GPR19: variants seen among roughly 807,000 people sequenced by gnomAD.
GPR19 encodes the protein probable G protein-coupled receptor 19.
A neutral mutation model predicts 28.5 loss-of-function variants in GPR19; 14 were observed. The observed-to-expected ratio is 0.49, with a 90% CI of 0.32 to 0.77. The LOEUF (loss-of-function observed/expected upper bound fraction) is 0.77, where lower values mean the gene tolerates loss of function less well. Among genes scored for constraint, GPR19 ranks in the 30% least tolerant of loss-of-function variants. GPR19 has a pLI of 0.03. For missense variants in GPR19, 409 were observed against 504.1 expected (o/e 0.81, Z 1.81); for synonymous variants, 173 against 184.1 (o/e 0.94, Z 0.49).
the GPR19 span, chr12:12,716,894 G>A: frequency 2.3e-5 from 23 of 984,654 alleles, no homozygotes; most frequent in South Asian, 6.6e-4. Context: ...CAGACCACGA[G>A]GTGGGGGCCG....
At chr12:12,691,134 A>G (rs554115617) in intron 2 of GPR19, among the ~76,000 whole-genome samples, 6 of 152,278 alleles carry the variant, frequency 3.9e-5, no homozygotes, top group Admixed American at 2.0e-4. Context: ...GATAAGCTCA[A>G]TAAAGGTCAT....
chr12:12,690,363 G>A (rs1260521482), intron 2 of GPR19, among the ~76,000 whole-genome samples: 2 of 152,202 alleles, frequency 1.3e-5, no homozygotes, highest in Non-Finnish European at 2.9e-5. Context: ...ACATAACACT[G>A]TTGTCTAAGG....
chr12:12,713,057 CTTTTTTTT>C, the GPR19 span, among the ~76,000 whole-genome samples: 2 of 108,088 alleles, frequency 1.9e-5, no homozygotes, highest in African/African-American at 3.5e-5. Flanking sequence ...ATCTGATGCG[CTTTTTTTT>C]TTTTTTTTTT....
chr12:12,664,647 G>A (rs976001402), intron 3 of GPR19, among the ~76,000 whole-genome samples: 1 of 152,036 alleles, frequency 6.6e-6, no homozygotes, highest in Non-Finnish European at 1.5e-5. Flanking sequence ...AGGGCCAGGC[G>A]CGGTGGCTCA....
At chr12:12,716,864 A>C in the GPR19 span, 1 of 984,346 alleles carries the variant, frequency 1.0e-6, no homozygotes, top group African/African-American at 1.7e-5. Flanking sequence ...CCCCCAGCAA[A>C]CGCTCCGCGG....
chr12:12,701,767 C>T, the GPR19 span, among the ~76,000 whole-genome samples: 1 of 151,918 alleles, frequency 6.6e-6, no homozygotes, highest in African/African-American at 2.4e-5. Flanking sequence ...CCTGGCTCTA[C>T]AAAATATGAA....
chr12:12,702,658 A>G, the GPR19 span, among the ~76,000 whole-genome samples: 1 of 152,044 alleles, frequency 6.6e-6, no homozygotes, highest in Non-Finnish European at 1.5e-5. Flanking sequence ...CTCTGCTTTG[A>G]GAATCACTCA....
At chr12:12,664,281 G>A (rs899298134) in intron 3 of GPR19, among the ~76,000 whole-genome samples, 4 of 151,974 alleles carry the variant, frequency 2.6e-5, no homozygotes, top group Non-Finnish European at 5.9e-5. Context: ...TAGCAATTGC[G>A]CCCAGCCCTC....
chr12:12,661,949 A>G lies in GPR19; in HGVS notation c.500T>C (p.Ile167Thr), dbSNP rs1269236657. The G allele has an allele frequency of 1.9e-6, 3 of 1,614,274 alleles. No individual in the cohort carries two copies. Among genetic ancestry groups the G allele is most frequent in the Non-Finnish European group, 2.5e-6 (3 of 1,180,044 alleles). Residue 167 changes from isoleucine to threonine, a missense_variant, in exon 4 of 4, where the codon ATC becomes ACC. Transcript: ENST00000651487. This position sits in a 1 kb window ranked among gnomAD's most constrained non-coding sequence, Gnocchi z 4.2. Reference sequence around the variant, plus strand: ...CACCTTGAAGCTCAGAGGATAGACGATGGTGTAGAACCGGTCTATGCAGAT... The same window carrying G: ...CACCTTGAAGCTCAGAGGATAGACGGTGGTGTAGAACCGGTCTATGCAGAT... ...LSICIDRFYT[I>T]VYPLSFKVSR...
chr12:12,699,862 G>C (rs1022945818), upstream of GPR19, among the ~76,000 whole-genome samples: 7 of 152,124 alleles, frequency 4.6e-5, no homozygotes. Flanking sequence ...TATCTTCAAT[G>C]TATTAAAGAG....
intron 2 of GPR19, among the ~76,000 whole-genome samples, chr12:12,687,041 A>G (rs534137321): frequency 6.6e-6 from 1 of 152,352 alleles, no homozygotes; most frequent in East Asian, 1.9e-4. Flanking sequence ...TTGGAAGAAG[A>G]TAAAGAAACA....
intron 3 of GPR19, among the ~76,000 whole-genome samples, chr12:12,683,427 G>C (rs138299128): frequency 2.0e-5 from 3 of 152,214 alleles, no homozygotes; most frequent in Admixed American, 2.0e-4. Context: ...TAGCTCAGTG[G>C]TTAAGAGCAC....
At chr12:12,713,871 T>C in the GPR19 span, among the ~76,000 whole-genome samples, 1 of 152,226 alleles carries the variant, frequency 6.6e-6, no homozygotes, top group African/African-American at 2.4e-5. Context: ...CCTGACCACT[T>C]ATTCACATTG....
chr12:12,694,473 TGA>T (rs1946234470), intron 2 of GPR19, among the ~76,000 whole-genome samples: 1 of 151,964 alleles, frequency 6.6e-6, no homozygotes, highest in African/African-American at 2.4e-5. Flanking sequence ...CCCAAAGTGC[TGA>T]GATTACAGGC....
intron 3 of GPR19, among the ~76,000 whole-genome samples, chr12:12,683,934 G>A (rs1286431174): frequency 2.9e-5 from 2 of 70,058 alleles, no homozygotes; most frequent in East Asian, 8.8e-4. Context: ...CAGCACGCCT[G>A]CCCACTTCAG....
At position 12,661,052 on chromosome 12, in the gene GPR19, C is replaced by T. The variant is rs74061735; in HGVS notation, c.*149G>A. On this transcript the variant is annotated 3_prime_UTR_variant, in exon 4 of 4. Transcript: ENST00000651487. The surrounding 1 kb of genome is among the most constrained non-coding windows in gnomAD (Gnocchi z 4.2). ...CATAAAAAGCAAGTAAAATAAAACC[C>T]ACAAAAACTACAGTAAACAAATGAA... is the stretch of plus-strand genomic sequence containing the variant. 9.6e-4 allele frequency: 556 copies of T among 577,214 alleles called. 1 individual carries two copies. Among genetic ancestry groups the T allele is most frequent in the African/African-American group, 9.3e-3 (494 of 53,340 alleles). The allele number at this position is 577,214 out of a possible 1,614,324, so 35.8% of individuals were successfully genotyped here. A position where few individuals can be genotyped will look rare whatever the true frequency, so the allele number is the denominator to read the frequency against.
chr12:12,712,257 C>T, the GPR19 span, among the ~76,000 whole-genome samples: 2 of 152,216 alleles, frequency 1.3e-5, no homozygotes, highest in Admixed American at 6.5e-5. Flanking sequence ...ACTGGATGAA[C>T]ACCACAGTGG....
the GPR19 span, among the ~76,000 whole-genome samples, chr12:12,712,300 C>T: frequency 6.6e-6 from 1 of 152,194 alleles, no homozygotes; most frequent in Non-Finnish European, 1.5e-5. Flanking sequence ...TTAGCCCTGT[C>T]CCTAGACACT....
At chr12:12,682,997 A>T (rs1946044206) in intron 3 of GPR19, among the ~76,000 whole-genome samples, 1 of 152,226 alleles carries the variant, frequency 6.6e-6, no homozygotes, top group East Asian at 1.9e-4. Context: ...ACATAGTTTT[A>T]GAAGTTTTTA....
Sources: allele counts gnomAD v4.1 joint callset (sites outside exome capture counted in the v4.1 genomes callset), GRCh38; gene constraint gnomAD v4.1.1; non-coding constraint Gnocchi (gnomAD v3.1); transcripts MANE v1.5; gene names NCBI Gene and HGNC (gene_info 2026-07-23, HGNC 2026-07-21).